Variants in CARS2 observed in about 807,000 individuals in gnomAD.
CARS2 encodes cysteinyl-tRNA synthetase 2, mitochondrial, also known as probable cysteine--tRNA ligase, mitochondrial.
A neutral mutation model predicts 68.8 loss-of-function variants in CARS2; 52 were observed. That is an observed-to-expected ratio of 0.76 (90% CI 0.61 to 0.95). The LOEUF is 0.95. CARS2 is among the 40% of genes least tolerant of loss of function. CARS2 has a pLI of 0.00. For missense variants in CARS2, 780 were observed against 754.2 expected, an observed-to-expected ratio of 1.03 and a Z score of -0.40; for synonymous variants, 314 against 303.6, an observed-to-expected ratio of 1.03 and a Z score of -0.36.
intron 10 of CARS2, among the ~76,000 whole-genome samples, chr13:110,647,607 A>G (rs568239142): frequency 1.8e-3 from 218 of 120,480 alleles, no homozygotes; most frequent in African/African-American, 8.0e-3. Context: ...AGCTCTGGAA[A>G]GAGGGAGCCC....
intron 9 of CARS2, 35 bp downstream of exon 9, chr13:110,663,416 G>C: frequency 1.3e-6 from 2 of 1,595,456 alleles, no homozygotes; most frequent in Admixed American, 1.8e-5. Flanking sequence ...ACAAGCTATC[G>C]GCACCTCAGA....
intron 1 of CARS2, chr13:110,712,785 G>A (rs2064047050): frequency 4.1e-6 from 3 of 724,748 alleles, no homozygotes; most frequent in East Asian, 2.7e-5. Context: ...TAAGGCCTAG[G>A]GAAGGCGCCC....
chr13:110,666,350 G>C (rs764422811), intron 8 of CARS2: 13 of 985,254 alleles, frequency 1.3e-5, no homozygotes, highest in Non-Finnish European at 1.4e-5. Context: ...GGTATGGGGT[G>C]CTGGACAACA....
intron 3 of CARS2, among the ~76,000 whole-genome samples, chr13:110,697,673 G>A (rs1196861989): frequency 6.6e-6 from 1 of 152,200 alleles, no homozygotes; most frequent in Non-Finnish European, 1.5e-5. Flanking sequence ...TAACTCCTGG[G>A]CTTAAGTGAT....
At position 110,687,819 on chromosome 13, in the gene CARS2, G is replaced by T. The variant is rs747408982; in HGVS notation, c.473C>A (p.Pro158Gln). 2 of 1,605,258 alleles carry T rather than the reference G, an allele frequency of 1.2e-6. No homozygotes were observed. The highest frequency in any genetic ancestry group is 2.2e-5 in the South Asian group (2 of 90,690). ...GGTTACCCTCAGGTACACCGTGGGT[G>T]GGAGAACCTGCAAGGAAGTGGAGAC... ...KQDMAALKVLPPTVYLRVTEN... is the reference protein window; with the variant it reads ...KQDMAALKVLQPTVYLRVTEN... The change falls in exon 5 of 15, where the codon CCA becomes CAA. Residue 158 changes from proline (P) to glutamine (Q), a missense_variant. Transcript: ENST00000257347.
chr13:110,642,226 C>CG (rs977700670), intron 14 of CARS2, 89 bp downstream of exon 14: 2 of 1,018,786 alleles, frequency 2.0e-6, no homozygotes, highest in African/African-American at 3.2e-5. Flanking sequence ...AGCATGGTCA[C>CG]GGGGGATGTC....
At chr13:110,662,934 C>T (rs565903119) in intron 9 of CARS2, 3 of 451,430 alleles carry the variant, frequency 6.6e-6, no homozygotes, top group Non-Finnish European at 8.9e-6. Context: ...CTATGTCAGC[C>T]AGAGCCCTCC....
chr13:110,706,008 G>A lies in CARS2; in HGVS notation c.86C>T (p.Pro29Leu). ...CCCCCCGCTCGCCGCCCGGCCCGCA[G>A]GCCAGTGCCACCCAGCCCGCCCAAG... ...LGLGRAGWHW[P>L]AGRAASGGRG... is the part of the protein sequence containing the mutation. The change falls in exon 1 of 15, where the codon CCT becomes CTT. Residue 29 changes from proline to leucine, a missense_variant. Pro to Leu is a moderately conservative substitution (Grantham distance 98). Coordinates refer to ENST00000257347, the MANE Select transcript of CARS2 (RefSeq NM_024537.4). 2 of 1,485,532 alleles carry A rather than the reference G, an allele frequency of 1.3e-6. No homozygotes were observed. The highest frequency in any genetic ancestry group is 8.9e-7 in the Non-Finnish European group (1 of 1,123,430). 92.0% of individuals were successfully genotyped at this position (1,485,532 alleles called of 1,614,324 possible).
chr13:110,651,808 C>T lies in CARS2; in HGVS notation c.988-708G>A, dbSNP rs2062223265. On this transcript the variant is annotated intron_variant, in intron 9 of 14. Coordinates refer to ENST00000257347, the MANE Select transcript of CARS2 (RefSeq NM_024537.4). ...GTCATTAGAGGCACTGCAAAAGCAG[C>T]TCAGCCCTCAGCAAAACCTCCTGTG... 2.0e-5 allele frequency among the ~76,000 whole-genome samples: 3 copies of T among 152,260 alleles called. No individual in the cohort carries two copies. In the South Asian group the frequency reaches 6.2e-4, roughly 31 times the overall value.
At chr13:110,677,588 AAC>A (rs2062998731) in intron 6 of CARS2, among the ~76,000 whole-genome samples, 1 of 80,786 alleles carries the variant, frequency 1.2e-5, no homozygotes, top group Non-Finnish European at 2.6e-5. Context: ...CCACCATGGA[AAC>A]ACAATCACCC....
At chr13:110,680,048 ACT>A (rs560734129) in intron 6 of CARS2, among the ~76,000 whole-genome samples, 85 of 152,040 alleles carry the variant, frequency 5.6e-4, no homozygotes, top group African/African-American at 2.0e-3. Flanking sequence ...AAACTGTACC[ACT>A]GAGTAACCAG....
rs187762212 is a variant in CARS2, at chr13:110,705,184, A to G, written c.275+337T>C. Among the ~76,000 whole-genome samples, 6 of 152,332 alleles carry G rather than the reference A, an allele frequency of 3.9e-5. No homozygotes were observed. Among genetic ancestry groups the G allele is most frequent in the Admixed American group, 3.9e-4 (6 of 15,294 alleles). On this transcript the variant is annotated intron_variant, in intron 2 of 14. Transcript: ENST00000257347. The surrounding 1 kb of genome is among the most constrained non-coding windows in gnomAD (Gnocchi z 4.0). ...TGACCTGCTCAGTGCTGTGAAGCTA[A>G]GAAGTGGTGGGGCCCAGGAATGACT...
At chr13:110,642,115 C>T (rs572646285) in intron 14 of CARS2, among the ~76,000 whole-genome samples, 200 bp downstream of exon 14, 5 of 152,268 alleles carry the variant, frequency 3.3e-5, no homozygotes, top group East Asian at 3.9e-4. Flanking sequence ...GCAGGAGAAT[C>T]GCTTGAACCT....
intron 5 of CARS2, among the ~76,000 whole-genome samples, chr13:110,685,768 C>T (rs2063283365): frequency 6.6e-6 from 1 of 152,010 alleles, no homozygotes; most frequent in Admixed American, 6.6e-5. Context: ...GGGTTTGCAG[C>T]CAGGATGGGT....
Position 110,641,543 on chromosome 13 carries a change from C to T in CARS2, c.1689G>A (p.Ala563=), listed in dbSNP as rs774357584. 2.7e-5 allele frequency: 43 copies of T among 1,613,044 alleles called. No homozygotes were observed. The highest frequency in any genetic ancestry group is 1.6e-4 in the Middle Eastern group (1 of 6,084). ...TCATGGCTGTGCTCCATCCTCAGCC[C>T]GCTGATTTTTGGTCTTTTGTCCTTT... ...LDQRTKDQKS[A]G The change falls in exon 15 of 15, where the codon GCG becomes GCA. Residue 563 remains alanine (A), a synonymous_variant. Coordinates refer to ENST00000257347, the MANE Select transcript of CARS2 (RefSeq NM_024537.4).
chr13:110,677,111 T>C lies in CARS2; in HGVS notation c.656-8A>G, dbSNP rs1199052460. The C allele has an allele frequency of 1.2e-5, 19 of 1,600,536 alleles. No individual in the cohort carries two copies. The highest frequency in any genetic ancestry group is 1.7e-5 in the Admixed American group (1 of 59,062). On this transcript the variant is annotated splice_polypyrimidine_tract_variant and splice_region_variant and intron_variant, in intron 6 of 14. Coordinates refer to ENST00000257347, the MANE Select transcript of CARS2 (RefSeq NM_024537.4). The stretch of plus-strand genomic sequence containing the variant: ...GACGCTTGTCAGAGTCCGCTGCAGA[T>C]GACAAACGGTACATCAGTGGGAAGA...
At chr13:110,641,730 C>A in intron 14 of CARS2, 122 bp from the exon 15 acceptor site, 3 of 809,510 alleles carry the variant, frequency 3.7e-6, no homozygotes, top group Non-Finnish European at 6.3e-6. Context: ...AAAAGCTTGC[C>A]AGGCGCTTAG....
intron 5 of CARS2, among the ~76,000 whole-genome samples, chr13:110,685,742 G>C (rs2063282578): frequency 6.6e-6 from 1 of 152,212 alleles, no homozygotes; most frequent in Non-Finnish European, 1.5e-5. Context: ...TTCATGGAGA[G>C]ATGAGGCTGT....
chr13:110,663,631 A>G, intron 8 of CARS2, 113 bp from the exon 9 acceptor site: 1 of 1,496,068 alleles, frequency 6.7e-7, no homozygotes, highest in Non-Finnish European at 8.9e-7. Flanking sequence ...CAATGTATAG[A>G]CCAGTGTATG....
Sources: gnomAD v4.1 joint callset for allele counts (sites outside exome capture counted in the v4.1 genomes callset) on GRCh38, gnomAD v4.1.1 for gene constraint, Gnocchi (gnomAD v3.1) non-coding constraint, MANE v1.5 for transcripts, NCBI Gene and HGNC (gene_info 2026-07-23, HGNC 2026-07-21) for gene names.